LRRC18: variants seen among roughly 807,000 people sequenced by gnomAD.
The protein encoded by LRRC18 is leucine-rich repeat-containing protein 18.
In LRRC18, 12 loss-of-function variants were observed where a neutral mutation model predicts 11.2. The ratio of observed to expected loss-of-function variants is 1.07; its 90% confidence interval spans 0.69 to 1.74. The LOEUF (loss-of-function observed/expected upper bound fraction) is 1.74. Ranked by LOEUF, LRRC18 falls within the 40% of genes most tolerant of loss-of-function variation. The pLI, the probability that LRRC18 is intolerant of heterozygous loss-of-function variation, is 0.00. For missense variants in LRRC18, 374 were observed against 330.5 expected (o/e 1.13, Z -1.02); for synonymous variants, 155 against 130.6 (o/e 1.19, Z -1.27).
chr10:48,934,863 C>T, the LRRC18 span, among the ~76,000 whole-genome samples: 4 of 152,264 alleles, frequency 2.6e-5, no homozygotes, highest in Admixed American at 2.0e-4. Flanking sequence ...GAGAGGATCC[C>T]GTGTGATCCC....
the LRRC18 span, among the ~76,000 whole-genome samples, chr10:48,921,476 A>G: frequency 1.3e-5 from 2 of 152,366 alleles, no homozygotes; most frequent in African/African-American, 4.8e-5. Context: ...CATAGATTTG[A>G]ATGTAAAATG....
chr10:48,930,004 A>G, the LRRC18 span, among the ~76,000 whole-genome samples: 1 of 151,824 alleles, frequency 6.6e-6, no homozygotes, highest in Non-Finnish European at 1.5e-5. Flanking sequence ...GCTTGCATTT[A>G]TTATCTATCC....
At chr10:48,918,398 G>A (rs1318344286), upstream of LRRC18, among the ~76,000 whole-genome samples, 6 of 152,146 alleles carry the variant, frequency 3.9e-5, no homozygotes, top group African/African-American at 1.2e-4. Flanking sequence ...GACATACCAT[G>A]CAAACACTAA....
At position 48,910,004 on chromosome 10, in the gene LRRC18, A is replaced by G. The variant is rs1292868033; in HGVS notation, c.*233T>C. 5.5e-6 allele frequency: 3 copies of G among 545,700 alleles called. No homozygotes were observed. The African/African-American group carries it at 5.6e-5, about 10-fold the overall frequency. The allele number at this position is 545,700 out of a possible 1,614,324, so 33.8% of individuals were successfully genotyped here. On this transcript the variant is annotated 3_prime_UTR_variant, in exon 2 of 2. Coordinates refer to ENST00000374160, the Ensembl canonical transcript of LRRC18. ...TTTTCTTAAATTTTTTTCTATATACATTTTAAAAACCACATCAAATATTTC... is the reference window on the plus strand; with the variant it reads ...TTTTCTTAAATTTTTTTCTATATACGTTTTAAAAACCACATCAAATATTTC...
At chr10:48,939,467 A>T in the LRRC18 span, among the ~76,000 whole-genome samples, 1 of 152,236 alleles carries the variant, frequency 6.6e-6, no homozygotes, top group Non-Finnish European at 1.5e-5. Flanking sequence ...ATTTAGATCC[A>T]GGTGTCCCTG....
intron 1 of LRRC18, among the ~76,000 whole-genome samples, chr10:48,912,040 A>G (rs1838051158): frequency 1.3e-5 from 2 of 152,210 alleles, no homozygotes; most frequent in Middle Eastern, 3.2e-3. Context: ...TGCCAACAAC[A>G]TAGGAAAGTC....
At chr10:48,933,968 G>T in the LRRC18 span, among the ~76,000 whole-genome samples, 1 of 152,166 alleles carries the variant, frequency 6.6e-6, no homozygotes, top group South Asian at 2.1e-4. Context: ...TAACAAACCG[G>T]TCTGCAGACA....
At chr10:48,913,786 G>A (rs755492919) in exon 1 of LRRC18, 36 of 1,614,092 alleles carry the variant, frequency 2.2e-5, no homozygotes, top group Admixed American at 3.3e-5. Context: ...TTCACAGCGC[G>A]GATGTTCTTG....
chr10:48,937,790 G>A, the LRRC18 span, among the ~76,000 whole-genome samples: 1 of 152,160 alleles, frequency 6.6e-6, no homozygotes, highest in Non-Finnish European at 1.5e-5. Context: ...TCTCTACATG[G>A]ATTTCTAATG....
At chr10:48,926,941 G>C in the LRRC18 span, among the ~76,000 whole-genome samples, 1 of 152,194 alleles carries the variant, frequency 6.6e-6, no homozygotes, top group Non-Finnish European at 1.5e-5. Context: ...TTGCCACATG[G>C]AGTGTGAGTC....
chr10:48,913,614 T>G, exon 1 of LRRC18: 1 of 1,614,110 alleles, frequency 6.2e-7, no homozygotes, highest in South Asian at 1.1e-5. Flanking sequence ...CTCACCTGGC[T>G]TTGGAAAGGG....
At chr10:48,927,458 C>T in the LRRC18 span, among the ~76,000 whole-genome samples, 6 of 152,158 alleles carry the variant, frequency 3.9e-5, no homozygotes, top group African/African-American at 1.4e-4. Context: ...GCGTTCTTCC[C>T]ATTACGTCAA....
the LRRC18 span, among the ~76,000 whole-genome samples, chr10:48,921,047 G>A: frequency 2.4e-4 from 37 of 152,276 alleles, 1 homozygote; most frequent in South Asian, 7.7e-3. Context: ...TGAATTGGAT[G>A]ACTTAATGTC....
chr10:48,910,193 T>C, exon 2 of LRRC18: 2 of 1,302,240 alleles, frequency 1.5e-6, no homozygotes, highest in Non-Finnish European at 1.1e-6. Context: ...CAGAGTCGTT[T>C]ATTCTGTTAG....
chr10:48,932,473 T>C, the LRRC18 span: 1 of 152,184 alleles, frequency 6.6e-6, no homozygotes, highest in Non-Finnish European at 1.5e-5. Context: ...GATATAATTA[T>C]CCCTATACTC....
At chr10:48,928,352 ACGTG>A in the LRRC18 span, among the ~76,000 whole-genome samples, 1 of 59,634 alleles carries the variant, frequency 1.7e-5, no homozygotes, top group African/African-American at 4.5e-5. Flanking sequence ...TTTGGTTTTG[ACGTG>A]TGTGTGTGTG....
chr10:48,939,191 AG>A, the LRRC18 span, among the ~76,000 whole-genome samples: 491 of 152,344 alleles, frequency 3.2e-3, 3 homozygotes, highest in African/African-American at 0.011. Context: ...GACCAGAAGC[AG>A]GCCCCACTCT....
the LRRC18 span, among the ~76,000 whole-genome samples, chr10:48,919,549 C>T: frequency 6.6e-6 from 1 of 152,190 alleles, no homozygotes; most frequent in African/African-American, 2.4e-5. Context: ...TCTCACTGTT[C>T]CAGAGGCTGG....
chr10:48,917,880 A>C (rs942677744), upstream of LRRC18, among the ~76,000 whole-genome samples: 4 of 152,194 alleles, frequency 2.6e-5, no homozygotes, highest in African/African-American at 9.7e-5. Flanking sequence ...TATGTGATCG[A>C]AAGAAAACTA....
Sources: allele counts gnomAD v4.1 joint callset (sites outside exome capture counted in the v4.1 genomes callset), GRCh38; gene constraint gnomAD v4.1.1; transcripts MANE v1.5; gene names NCBI Gene and HGNC (gene_info 2026-07-23, HGNC 2026-07-21).